Variants in GRIN2D observed in about 807,000 individuals in gnomAD.
GRIN2D encodes glutamate receptor ionotropic, NMDA 2D.
Under a neutral mutation model 103.2 loss-of-function variants are expected in GRIN2D, and 37 were observed. The ratio of observed to expected loss-of-function variants is 0.36; its 90% CI spans 0.28 to 0.47. The LOEUF is 0.47. Ranked by LOEUF, GRIN2D falls within the 20% of genes least tolerant of loss-of-function variation. The probability of loss-of-function intolerance (pLI) is 1.00; values close to 1 mark genes in which losing one functional copy is unlikely to be tolerated. For synonymous variants in GRIN2D, 845 were observed against 885.6 expected, an observed-to-expected ratio of 0.95 and a Z score of 0.81; for missense variants, 1,557 against 1,910.6, an observed-to-expected ratio of 0.81 and a Z score of 3.45.
chr19:48,427,218 G>A (rs1971096828), intron 11 of GRIN2D, among the ~76,000 whole-genome samples: 1 of 151,952 alleles, frequency 6.6e-6, no homozygotes, highest in Non-Finnish European at 1.5e-5. Flanking sequence ...CTACTCAGGA[G>A]GCTGAGGTAG....
chr19:48,405,460 T>A lies in GRIN2D; in HGVS notation c.1085+107T>A. 1 of 1,171,110 alleles carries A rather than the reference T, an allele frequency of 8.5e-7. No individual in the cohort carries two copies. 72.5% of individuals were successfully genotyped at this position (1,171,110 alleles called of 1,614,324 possible). On this transcript the variant is annotated intron_variant, in intron 4 of 13. Coordinates refer to ENST00000263269, the MANE Select transcript of GRIN2D (RefSeq NM_000836.4). The surrounding 1 kb of genome is among the most constrained non-coding windows in gnomAD (Gnocchi z 5.1). ...ATGGGCCACATCTGCTCTTTGAGCCTCAGTTTTCTTTTCTGTAAAGTGGGT... is the reference window on the plus strand; with the variant it reads ...ATGGGCCACATCTGCTCTTTGAGCCACAGTTTTCTTTTCTGTAAAGTGGGT...
At position 48,414,457 on chromosome 19, in the gene GRIN2D, A is replaced by T; in HGVS notation, c.1285A>T (p.Thr429Ser). ...YGRFLQPVDD[T>S]QHLTVATLEE... is the part of the protein sequence containing the mutation. ...TCGCTTCCTGCAGCCAGTGGACGAC[A>T]CGCAGCACCTCACGGTGGCCACGCT... Residue 429 changes from threonine to serine, a missense_variant, in exon 6 of 14, where the codon ACG becomes TCG. Around this residue, in one of 7 missense-constraint regions of GRIN2D, gnomAD observed 197 missense variants for 334.1 expected, o/e 0.59. Transcript: ENST00000263269. The surrounding 1 kb of genome is among the most constrained non-coding windows in gnomAD (Gnocchi z 4.6). 6.2e-7 allele frequency: 1 copy of T among 1,608,102 alleles called. No homozygotes were observed. Among genetic ancestry groups the T allele is most frequent in the Non-Finnish European group, 8.5e-7 (1 of 1,177,382 alleles).
At chr19:48,439,087 T>C (rs1971263505) in intron 11 of GRIN2D, among the ~76,000 whole-genome samples, 1 of 149,956 alleles carries the variant, frequency 6.7e-6, no homozygotes, top group South Asian at 2.2e-4. Context: ...GCCTAACTTT[T>C]TAAAAAATAC....
At chr19:48,425,150 AC>A (rs1971072479) in intron 11 of GRIN2D, among the ~76,000 whole-genome samples, 1 of 123,598 alleles carries the variant, frequency 8.1e-6, no homozygotes, top group Non-Finnish European at 1.6e-5. Context: ...TTCCTCTTTT[AC>A]CCCTTCAGGG....
intron 11 of GRIN2D, among the ~76,000 whole-genome samples, chr19:48,441,160 C>T (rs1373747942): frequency 2.6e-5 from 4 of 151,782 alleles, no homozygotes; most frequent in African/African-American, 9.7e-5. Flanking sequence ...GACAGGGGTT[C>T]GAGATCAGCC....
chr19:48,398,971 G>T (rs912613281), intron 3 of GRIN2D, 114 bp downstream of exon 3: 2 of 1,009,436 alleles, frequency 2.0e-6, no homozygotes, highest in Admixed American at 4.3e-5. Flanking sequence ...ACTGTCCTGT[G>T]GGTCCGAGTC....
rs947320315 is a variant in GRIN2D, at chr19:48,394,391, G to A, written c.-305-267G>A. Among the ~76,000 whole-genome samples, 1 of 140,814 alleles carries A rather than the reference G, an allele frequency of 7.1e-6. No individual in the cohort carries two copies. The highest frequency in any genetic ancestry group is 1.5e-5 in the Non-Finnish European group (1 of 65,832). The allele number at this position is 140,814 out of a possible 152,430, so 92.4% of individuals were successfully genotyped here. ...GCAGGCAATCTCCCGCTCCTCACAC[G>A]CACACACCAGCCACTAGCTTCAGAG... On this transcript the variant is annotated intron_variant, in intron 1 of 13. Coordinates refer to ENST00000263269, the MANE Select transcript of GRIN2D (RefSeq NM_000836.4). This position sits in a 1 kb window ranked among gnomAD's most constrained non-coding sequence, Gnocchi z 5.1.
intron 7 of GRIN2D, among the ~76,000 whole-genome samples, chr19:48,415,787 G>C (rs1419150854): frequency 6.6e-6 from 1 of 151,996 alleles, no homozygotes; most frequent in Non-Finnish European, 1.5e-5. Flanking sequence ...GGTAGGACGC[G>C]GGCTACCAAT....
Position 48,443,650 on chromosome 19 carries a change from A to C in GRIN2D, c.3724A>C (p.Thr1242Pro). Residue 1242 changes from threonine to proline, a missense_variant, in exon 14 of 14, where the codon ACG becomes CCG. By Grantham distance (38) the Thr-to-Pro change is conservative. Transcript: ENST00000263269. This position sits in a 1 kb window ranked among gnomAD's most constrained non-coding sequence, Gnocchi z 8.9. ...HPHRPRASHR[T>P]PAAAAPHHHR... ...GCACCGCCCGCGGGCCTCGCACCGC[A>C]CGCCCGCCGCCGCCGCGCCCCACCA... The C allele has an allele frequency of 9.0e-7, 1 of 1,116,460 alleles. No individual in the cohort carries two copies. Among genetic ancestry groups the C allele is most frequent in the East Asian group, 5.9e-5 (1 of 17,072 alleles). 69.2% of individuals were successfully genotyped at this position (1,116,460 alleles called of 1,614,324 possible).
intron 3 of GRIN2D, among the ~76,000 whole-genome samples, chr19:48,401,328 C>T (rs752884166): frequency 6.6e-6 from 1 of 151,958 alleles, no homozygotes; most frequent in Non-Finnish European, 1.5e-5. Context: ...GTGAGACAGA[C>T]AAAACCAGTA....
chr19:48,434,485 C>G (rs1321546068), intron 11 of GRIN2D, among the ~76,000 whole-genome samples: 1 of 152,160 alleles, frequency 6.6e-6, no homozygotes, highest in African/African-American at 2.4e-5. Flanking sequence ...GAACTTCTGA[C>G]CTGAGATGAT....
intron 11 of GRIN2D, among the ~76,000 whole-genome samples, chr19:48,439,866 C>T (rs778198768): frequency 2.6e-5 from 4 of 152,064 alleles, no homozygotes; most frequent in African/African-American, 7.2e-5. Flanking sequence ...TCGTTTGATC[C>T]GGGGAGGCGG....
Position 48,414,842 on chromosome 19 carries a change from C to T in GRIN2D, c.1413-22C>T. 6 of 1,613,100 alleles carry T rather than the reference C, an allele frequency of 3.7e-6. No individual in the cohort carries two copies. The highest frequency in any genetic ancestry group is 5.1e-6 in the Non-Finnish European group (6 of 1,179,552). ...CTAAGGAGGGGGTCCCCAAACTCCCCAAGCCTGGTCACTGCCCGCAGCCCT... is the reference window on the plus strand; with the variant it reads ...CTAAGGAGGGGGTCCCCAAACTCCCTAAGCCTGGTCACTGCCCGCAGCCCT... On this transcript the variant is annotated intron_variant, in intron 6 of 13. Coordinates refer to ENST00000263269, the MANE Select transcript of GRIN2D (RefSeq NM_000836.4). The surrounding 1 kb of genome is among the most constrained non-coding windows in gnomAD (Gnocchi z 4.6).
intron 11 of GRIN2D, among the ~76,000 whole-genome samples, chr19:48,426,410 G>C (rs1439915435): frequency 6.6e-6 from 1 of 151,118 alleles, no homozygotes; most frequent in Non-Finnish European, 1.5e-5. Context: ...ATGTTTAGTA[G>C]AGATGGGGTT....
At chr19:48,419,193 T>C (rs1182310242) in intron 8 of GRIN2D, 41 bp from the exon 9 acceptor site, 13 of 1,580,012 alleles carry the variant, frequency 8.2e-6, no homozygotes, top group Non-Finnish European at 1.1e-5. Context: ...CCCGAGTCTT[T>C]TGCTTGGCTG....
At chr19:48,434,203 G>A (rs577473706) in intron 11 of GRIN2D, among the ~76,000 whole-genome samples, 9 of 152,046 alleles carry the variant, frequency 5.9e-5, no homozygotes, top group South Asian at 4.2e-4. Context: ...GCCTGCCTCC[G>A]CCTCCCAAAG....
At chr19:48,404,622 A>T in intron 3 of GRIN2D, 112 bp from the exon 4 acceptor site, 1 of 1,055,190 alleles carries the variant, frequency 9.5e-7, no homozygotes, top group Admixed American at 2.7e-5. Context: ...AGATGGGTTT[A>T]GTGAACCTGT....
intron 11 of GRIN2D, among the ~76,000 whole-genome samples, chr19:48,438,861 G>T (rs1310403523): frequency 6.6e-6 from 1 of 151,376 alleles, no homozygotes; most frequent in Non-Finnish European, 1.5e-5. Flanking sequence ...GCTCACTGCA[G>T]CTTCAAACTC....
In GRIN2D at chr19:48,419,338, C is replaced by A; in HGVS notation, c.1840C>A (p.Arg614Ser). 1 of 1,605,774 alleles carries A rather than the reference C, an allele frequency of 6.2e-7. No individual in the cohort carries two copies. The highest frequency in any genetic ancestry group is 8.5e-7 in the Non-Finnish European group (1 of 1,178,934). The change falls in exon 9 of 14, where the codon CGC (arginine) becomes AGC (serine). Residue 614 changes from arginine (R) to serine (S), a missense_variant. Physicochemically the swap from Arg to Ser is moderately radical, Grantham distance 110 (BLOSUM62 -1). This residue lies in a region of GRIN2D where 197 missense variants were observed against 334.1 expected (regional missense o/e 0.59). Coordinates refer to ENST00000263269, the MANE Select transcript of GRIN2D (RefSeq NM_000836.4). ...FEYLSPVGYN[R>S]SLATGKRPGG... ...GTACCTCAGTCCTGTTGGTTACAAC[C>A]GCAGCCTGGCCACGGGCAAGCGTGA...
Sources: allele counts gnomAD v4.1 joint callset (sites outside exome capture counted in the v4.1 genomes callset), GRCh38; gene constraint gnomAD v4.1.1; regional missense constraint gnomAD v4.1.1; non-coding constraint Gnocchi (gnomAD v3.1); transcripts MANE v1.5; gene names NCBI Gene and HGNC (gene_info 2026-07-23, HGNC 2026-07-21).